Variants in ITGA8 observed in about 807,000 individuals in gnomAD.
The protein encoded by ITGA8 is integrin alpha-8.
A neutral mutation model predicts 142.3 loss-of-function variants in ITGA8; 91 were observed. That is an observed-to-expected ratio of 0.64 (90% CI 0.54 to 0.76). The LOEUF (loss-of-function observed/expected upper bound fraction) is 0.76. Among genes scored for constraint, ITGA8 ranks in the 30% least tolerant of loss-of-function variants. The pLI is 0.00. For synonymous variants in ITGA8, 505 were observed against 485.2 expected (o/e 1.04, Z -0.54); for missense variants, 1,406 against 1,327.7 (o/e 1.06, Z -0.92).
chr10:15,523,023 A>C (rs142353735), intron 28 of ITGA8, among the ~76,000 whole-genome samples: 184 of 152,292 alleles, frequency 1.2e-3, no homozygotes, highest in African/African-American at 4.3e-3. Flanking sequence ...CTCAAAAAAA[A>C]AAAAAATTAT....
At chr10:15,519,515 A>C (rs1439699737) in intron 28 of ITGA8, 103 bp from the exon 29 acceptor site, 4 of 1,244,714 alleles carry the variant, frequency 3.2e-6, no homozygotes, top group Non-Finnish European at 4.6e-6. Flanking sequence ...GAAAGGATCC[A>C]TATGACAATT....
chr10:15,583,353 G>A (rs115102550), intron 23 of ITGA8, among the ~76,000 whole-genome samples: 8,890 of 152,046 alleles, frequency 0.058, 299 homozygotes, highest in Middle Eastern at 0.088. Flanking sequence ...ATCACACAGC[G>A]GGGCCTACTG....
chr10:15,659,107 CT>C, intron 9 of ITGA8, 52 bp from the exon 10 acceptor site: 8 of 1,284,368 alleles, frequency 6.2e-6, no homozygotes, highest in East Asian at 2.6e-5. Context: ...GAATTGGAGC[CT>C]TTTTTAAAAA....
intron 1 of ITGA8, among the ~76,000 whole-genome samples, chr10:15,719,154 G>A (rs563869921): frequency 2.7e-4 from 41 of 152,314 alleles, no homozygotes; most frequent in Admixed American, 2.5e-3. Context: ...AGGGGGTGGG[G>A]TAGGAGGAAG....
At chr10:15,546,927 A>G (rs1359264883) in intron 27 of ITGA8, among the ~76,000 whole-genome samples, 1 of 152,020 alleles carries the variant, frequency 6.6e-6, no homozygotes, top group African/African-American at 2.4e-5. Flanking sequence ...TTAAAACAAA[A>G]CTTTAATTTC....
At chr10:15,561,869 T>A (rs906733362) in intron 25 of ITGA8, among the ~76,000 whole-genome samples, 2 of 152,128 alleles carry the variant, frequency 1.3e-5, no homozygotes, top group Non-Finnish European at 2.9e-5. Flanking sequence ...GACTCACAGT[T>A]CTCCCTGGCT....
intron 2 of ITGA8, among the ~76,000 whole-genome samples, chr10:15,702,382 C>T (rs551318096): frequency 6.6e-6 from 1 of 152,060 alleles, no homozygotes; most frequent in South Asian, 2.1e-4. Flanking sequence ...CCTCCGCCTC[C>T]CGGATTCAAG....
Position 15,655,405 on chromosome 10 carries a change from A to G in ITGA8, c.950T>C (p.Met317Thr), listed in dbSNP as rs766169594. The part of the protein sequence containing the change: ...TFIQNFTGEQ[M>T]ASYFGYTVVV... ...AACGGTATATCCAAAATAAGATGCC[A>G]TCTGCAAAGGAAAATCAGGAGATGA... The change falls in exon 11 of 30, where the codon ATG (methionine) becomes ACG (threonine). Residue 317 changes from methionine (M) to threonine (T), a missense_variant and splice_region_variant. Transcript: ENST00000378076. The G allele has an allele frequency of 1.8e-5, 29 of 1,609,754 alleles. No homozygotes were observed. The highest frequency in any genetic ancestry group is 2.5e-5 in the Non-Finnish European group (29 of 1,176,566).
chr10:15,582,474 T>G (rs1334973268), intron 23 of ITGA8, among the ~76,000 whole-genome samples: 1 of 152,202 alleles, frequency 6.6e-6, no homozygotes, highest in African/African-American at 2.4e-5. Flanking sequence ...AACATCACTA[T>G]TAAGGAAATA....
At chr10:15,706,058 G>C (rs1344263105) in intron 2 of ITGA8, among the ~76,000 whole-genome samples, 1 of 152,086 alleles carries the variant, frequency 6.6e-6, no homozygotes, top group African/African-American at 2.4e-5. Flanking sequence ...CATCTTGCCT[G>C]AGCTCTCAGT....
At chr10:15,629,009 C>A (rs1194580227) in intron 13 of ITGA8, among the ~76,000 whole-genome samples, 1 of 151,896 alleles carries the variant, frequency 6.6e-6, no homozygotes, top group Non-Finnish European at 1.5e-5. Flanking sequence ...GCAAGTGCGG[C>A]CCAGGCTGCA....
At chr10:15,530,541 C>CAA (rs57521125) in intron 28 of ITGA8, among the ~76,000 whole-genome samples, 13,115 of 75,212 alleles carry the variant, frequency 0.17, 2,352 homozygotes, top group East Asian at 0.33. Flanking sequence ...GCGAGACTCT[C>CAA]AAAAAAAAAA....
At position 15,517,426 on chromosome 10, in the gene ITGA8, C is replaced by T. The variant is rs553825850; in HGVS notation, c.3106-182G>A. ...TGCAACCTCCGCCTCCCGGTTCAAG[C>T]GATTCTCCTGCCTCAGCCTCCGGAG... On this transcript the variant is annotated intron_variant, in intron 29 of 29. Transcript: ENST00000378076. Among the ~76,000 whole-genome samples the T allele has an allele frequency of 1.8e-4, 28 of 152,112 alleles. No individual in the cohort carries two copies. In the East Asian group the frequency reaches 4.8e-3, roughly 26 times the overall value.
chr10:15,669,846 AT>A (rs1834475034), intron 8 of ITGA8, among the ~76,000 whole-genome samples: 2 of 152,308 alleles, frequency 1.3e-5, no homozygotes, highest in South Asian at 4.1e-4. Context: ...TGAACCGCAG[AT>A]GCTGCTGCCT....
chr10:15,565,600 T>TTTTTTTTG (rs1834064070), intron 25 of ITGA8, among the ~76,000 whole-genome samples: 1 of 129,342 alleles, frequency 7.7e-6, no homozygotes, highest in Non-Finnish European at 1.6e-5. Context: ...TTTTTTTTTT[T>TTTTTTTTG]TTTTTTTGAG....
At chr10:15,623,608 C>T (rs1833532147) in intron 13 of ITGA8, among the ~76,000 whole-genome samples, 1 of 152,144 alleles carries the variant, frequency 6.6e-6, no homozygotes, top group South Asian at 2.1e-4. Flanking sequence ...ATCGCTTGAA[C>T]CCAGGAGATG....
At chr10:15,636,861 G>C (rs1237749103) in intron 13 of ITGA8, among the ~76,000 whole-genome samples, 3 of 152,136 alleles carry the variant, frequency 2.0e-5, no homozygotes, top group African/African-American at 7.2e-5. Flanking sequence ...AAAAATGAAA[G>C]AGGTCGGCCA....
intron 8 of ITGA8, among the ~76,000 whole-genome samples, chr10:15,671,054 C>G (rs1382213328): frequency 6.6e-6 from 1 of 152,160 alleles, no homozygotes; most frequent in Admixed American, 6.5e-5. Flanking sequence ...ATTAGGTATT[C>G]TGTGTTCATT....
At chr10:15,537,581 A>G (rs1223638460) in intron 27 of ITGA8, among the ~76,000 whole-genome samples, 1 of 152,138 alleles carries the variant, frequency 6.6e-6, no homozygotes. Flanking sequence ...TGTAACTTTC[A>G]CTCAATCAGC....
Sources: gnomAD v4.1 joint callset for allele counts (sites outside exome capture counted in the v4.1 genomes callset) on GRCh38, gnomAD v4.1.1 for gene constraint, MANE v1.5 for transcripts, NCBI Gene and HGNC (gene_info 2026-07-23, HGNC 2026-07-21) for gene names.